Variants in LGSN observed in about 807,000 individuals in gnomAD.
The protein encoded by LGSN is lengsin.
Under a neutral mutation model 19.5 loss-of-function variants are expected in LGSN, and 21 were observed. The observed-to-expected ratio is 1.07, with a 90% CI of 0.76 to 1.55. The LOEUF is 1.55. Ranked by LOEUF, LGSN falls within the 40% of genes most tolerant of loss-of-function variation. The probability of loss-of-function intolerance (pLI) is 0.00; values close to 1 mark genes in which losing one functional copy is unlikely to be tolerated. For synonymous variants in LGSN, 257 were observed against 215.6 expected (o/e 1.19, Z -1.68); for missense variants, 673 against 608.5 (o/e 1.11, Z -1.12).
At chr6:63,460,100 C>CTTTTTTTTT in the LGSN span, among the ~76,000 whole-genome samples, 90 of 56,138 alleles carry the variant, frequency 1.6e-3, no homozygotes, top group African/African-American at 1.8e-3. Flanking sequence ...ATTTCATTCC[C>CTTTTTTTTT]TTTTTTTTTT....
chr6:63,423,066 A>G, the LGSN span, among the ~76,000 whole-genome samples: 8 of 152,212 alleles, frequency 5.3e-5, no homozygotes, highest in Admixed American at 2.6e-4. Context: ...GTAGGCTTCA[A>G]TCAGGTACAG....
the LGSN span, among the ~76,000 whole-genome samples, chr6:63,362,876 C>T: frequency 3.9e-5 from 6 of 152,210 alleles, no homozygotes; most frequent in African/African-American, 1.2e-4. Context: ...AGTTTGAGAT[C>T]TGAAAACGGA....
chr6:63,300,718 ATC>A (rs1411413196), intron 1 of LGSN, among the ~76,000 whole-genome samples: 4 of 152,208 alleles, frequency 2.6e-5, no homozygotes, highest in South Asian at 4.1e-4. Context: ...CTCATTAAAT[ATC>A]TGAGTCATTT....
chr6:63,368,602 C>G, the LGSN span, among the ~76,000 whole-genome samples: 1 of 152,204 alleles, frequency 6.6e-6, no homozygotes, highest in African/African-American at 2.4e-5. Flanking sequence ...ACTCCACACA[C>G]GCAGCATGTT....
At position 63,280,147 on chromosome 6, in the gene LGSN, T is replaced by C. The variant is rs1296700418; in HGVS notation, c.1404A>G (p.Glu468=). The C allele has an allele frequency of 4.3e-6, 7 of 1,614,114 alleles. No individual in the cohort carries two copies. The highest frequency in any genetic ancestry group is 3.4e-6 in the Non-Finnish European group (4 of 1,180,042). ...KLEDALVALE[E]DQCLRQALGE... is the part of the protein sequence containing the mutation. ...CTAGAGCCTGTCTCAGGCATTGATC[T>C]TCTTCCAGTGCCACAAGGGCATCTT... The change falls in exon 4 of 4, where the codon GAA becomes GAG. Residue 468 remains glutamate (E), a synonymous_variant. Transcript: ENST00000370657.
At chr6:63,347,421 T>C in the LGSN span, among the ~76,000 whole-genome samples, 1 of 152,212 alleles carries the variant, frequency 6.6e-6, no homozygotes, top group African/African-American at 2.4e-5. Context: ...GGTTTACTAT[T>C]GATTTAGGTC....
chr6:63,335,199 C>T, the LGSN span, among the ~76,000 whole-genome samples: 12 of 150,968 alleles, frequency 7.9e-5, no homozygotes, highest in Non-Finnish European at 1.6e-4. Context: ...ATAGTTGGTG[C>T]TGGGAAAACT....
the LGSN span, among the ~76,000 whole-genome samples, chr6:63,497,176 T>C: frequency 0.015 from 2,354 of 152,026 alleles, 91 homozygotes; most frequent in African/African-American, 0.054. Flanking sequence ...GGGGTATTGT[T>C]ATGTTGCACA....
intron 1 of LGSN, among the ~76,000 whole-genome samples, chr6:63,299,228 A>G (rs1228677082): frequency 2.0e-5 from 3 of 152,214 alleles, no homozygotes; most frequent in Non-Finnish European, 4.4e-5. Flanking sequence ...ATTTTGAAAC[A>G]TATCTGTAAA....
chr6:63,304,475 A>T (rs1236719168), intron 1 of LGSN, among the ~76,000 whole-genome samples: 1 of 152,240 alleles, frequency 6.6e-6, no homozygotes, highest in African/African-American at 2.4e-5. Context: ...AACAGGGAGA[A>T]ATCTGTGCAG....
the LGSN span, among the ~76,000 whole-genome samples, chr6:63,480,909 G>C: frequency 1.4e-5 from 2 of 143,480 alleles, no homozygotes; most frequent in East Asian, 4.0e-4. Flanking sequence ...CAACCTAAGT[G>C]CCCACTGACT....
At chr6:63,453,215 G>T in the LGSN span, among the ~76,000 whole-genome samples, 1 of 152,006 alleles carries the variant, frequency 6.6e-6, no homozygotes, top group African/African-American at 2.4e-5. Flanking sequence ...CTGGAATATG[G>T]TCTATCTTGG....
At chr6:63,415,016 T>C in the LGSN span, among the ~76,000 whole-genome samples, 1 of 152,202 alleles carries the variant, frequency 6.6e-6, no homozygotes, top group South Asian at 2.1e-4. Context: ...TTCATTTTCA[T>C]ACTGCTATAA....
the LGSN span, among the ~76,000 whole-genome samples, chr6:63,377,548 A>G: frequency 6.6e-6 from 1 of 152,332 alleles, no homozygotes; most frequent in African/African-American, 2.4e-5. Context: ...AAGAACACCT[A>G]ACGTAAACCT....
the LGSN span, among the ~76,000 whole-genome samples, chr6:63,546,403 T>C: frequency 6.6e-6 from 1 of 152,206 alleles, no homozygotes; most frequent in South Asian, 2.1e-4. Context: ...CAGGAGATGT[T>C]GTTTAAAGAG....
the LGSN span, among the ~76,000 whole-genome samples, chr6:63,459,354 C>T: frequency 2.6e-5 from 4 of 152,112 alleles, no homozygotes; most frequent in Non-Finnish European, 5.9e-5. Flanking sequence ...ACGCCACAAG[C>T]TTACATGTCT....
chr6:63,566,654 T>C, the LGSN span, among the ~76,000 whole-genome samples: 1 of 152,202 alleles, frequency 6.6e-6, no homozygotes, highest in Non-Finnish European at 1.5e-5. Context: ...GAATCCTGCC[T>C]CAGTGATGAT....
At chr6:63,552,542 G>A in the LGSN span, among the ~76,000 whole-genome samples, 3 of 152,170 alleles carry the variant, frequency 2.0e-5, no homozygotes, top group Non-Finnish European at 4.4e-5. Context: ...AGTTTAATTA[G>A]ATCCCATTTG....
the LGSN span, chr6:63,396,281 G>T: frequency 5.5e-6 from 1 of 181,076 alleles, no homozygotes; most frequent in South Asian, 1.1e-4. Context: ...CCACCAGGAT[G>T]AATCAGCTGT....
Sources: allele counts gnomAD v4.1 joint callset (sites outside exome capture counted in the v4.1 genomes callset), GRCh38; gene constraint gnomAD v4.1.1; transcripts MANE v1.5; gene names NCBI Gene and HGNC (gene_info 2026-07-23, HGNC 2026-07-21).